The following CPQ variants were observed in gnomAD, a reference collection of about 807,000 sequenced individuals.
The protein encoded by CPQ is Ser-Met dipeptidase.
A neutral mutation model predicts 45.7 loss-of-function variants in CPQ; 37 were observed. That is an observed-to-expected ratio of 0.81 (90% CI 0.62 to 1.07). CPQ has a LOEUF of 1.07. Among genes scored for constraint, CPQ ranks in the 50% least tolerant of loss-of-function variants. The pLI is 0.00. For missense variants in CPQ, 537 were observed against 572.9 expected, an observed-to-expected ratio of 0.94 and a Z score of 0.64; for synonymous variants, 186 against 205.8, an observed-to-expected ratio of 0.90 and a Z score of 0.82.
chr8:96,770,473 G>A (rs943551149), intron 1 of CPQ, among the ~76,000 whole-genome samples: 1 of 152,068 alleles, frequency 6.6e-6, no homozygotes, highest in African/African-American at 2.4e-5. Flanking sequence ...TATTCAGGAT[G>A]TTGTGTTCAG....
chr8:96,978,161 C>T (rs1409704918), intron 5 of CPQ, among the ~76,000 whole-genome samples: 1 of 152,022 alleles, frequency 6.6e-6, no homozygotes, highest in Non-Finnish European at 1.5e-5. Context: ...TCTGTAAGAC[C>T]CATGGCAGAT....
At chr8:96,829,236 T>C (rs1811415325) in intron 2 of CPQ, among the ~76,000 whole-genome samples, 1 of 151,968 alleles carries the variant, frequency 6.6e-6, no homozygotes, top group South Asian at 2.1e-4. Context: ...TGCCCATGGA[T>C]TTTGATGCAG....
chr8:96,995,595 C>T (rs1426889958), intron 5 of CPQ, among the ~76,000 whole-genome samples: 1 of 148,478 alleles, frequency 6.7e-6, no homozygotes, highest in Non-Finnish European at 1.5e-5. Context: ...GGTCTGATAG[C>T]AGCTGAATAG....
intron 2 of CPQ, among the ~76,000 whole-genome samples, chr8:96,786,916 A>G (rs1442474407): frequency 5.9e-5 from 9 of 152,072 alleles, no homozygotes; most frequent in Admixed American, 5.9e-4. Context: ...AATGTATTGT[A>G]TATACAAGTC....
At position 96,773,393 on chromosome 8, in the gene CPQ, G is replaced by A. The variant is rs543018449; in HGVS notation, c.-34-11471G>A. 1.8e-3 allele frequency among the ~76,000 whole-genome samples: 279 copies of A among 152,246 alleles called. 1 individual carries two copies. Among genetic ancestry groups the A allele is most frequent in the African/African-American group, 6.4e-3 (267 of 41,562 alleles). ...TATCATACAATGTGCAATTGAAAAG[G>A]CAGGAAATAGTTTTGCCTAGGAGTT... is the stretch of plus-strand genomic sequence containing the variant. On this transcript the variant is annotated intron_variant, in intron 1 of 7. Coordinates refer to ENST00000220763, the MANE Select transcript of CPQ (RefSeq NM_016134.4).
intron 4 of CPQ, among the ~76,000 whole-genome samples, chr8:96,934,214 A>G (rs1473963012): frequency 6.6e-6 from 1 of 152,206 alleles, no homozygotes; most frequent in Non-Finnish European, 1.5e-5. Context: ...AGAGAGGCCC[A>G]TCCATGAATC....
At chr8:96,697,235 G>A (rs1160374453) in intron 1 of CPQ, among the ~76,000 whole-genome samples, 1 of 152,168 alleles carries the variant, frequency 6.6e-6, no homozygotes, top group Non-Finnish European at 1.5e-5. Flanking sequence ...ACCAATTCAT[G>A]TGATACATCA....
At chr8:97,034,909 G>A (rs1201225025) in intron 6 of CPQ, among the ~76,000 whole-genome samples, 3 of 138,044 alleles carry the variant, frequency 2.2e-5, no homozygotes, top group Admixed American at 7.5e-5. Context: ...TTTTTTTTTC[G>A]AGATGGAGTC....
At chr8:96,984,528 C>T (rs1034186371) in intron 5 of CPQ, among the ~76,000 whole-genome samples, 36 of 152,124 alleles carry the variant, frequency 2.4e-4, no homozygotes, top group African/African-American at 8.2e-4. Context: ...TTCAATGTGC[C>T]ATTTTGGAAG....
intron 5 of CPQ, among the ~76,000 whole-genome samples, chr8:97,013,637 G>A (rs751288039): frequency 6.6e-6 from 1 of 152,192 alleles, no homozygotes; most frequent in Admixed American, 6.5e-5. Context: ...AAACCAGATG[G>A]CATAAATGGT....
At position 96,784,946 on chromosome 8, in the gene CPQ, C is replaced by G. The variant is rs1810742429; in HGVS notation, c.49C>G (p.Leu17Val). Residue 17 changes from leucine (L) to valine (V), a missense_variant, in exon 2 of 8, where the codon CTG (leucine) becomes GTG (valine). Transcript: ENST00000220763. ...AFFGGVHLLS[L>V]CSGKAICKNG... ...TTTCGGTGGTGTTCACCTTTTATCCCTGTGCTCTGGGAAAGCTATATGCAA... is the reference window on the plus strand; with the variant it reads ...TTTCGGTGGTGTTCACCTTTTATCCGTGTGCTCTGGGAAAGCTATATGCAA... 1.2e-6 allele frequency: 2 copies of G among 1,613,572 alleles called. No homozygotes were observed. Among genetic ancestry groups the G allele is most frequent in the African/African-American group, 1.3e-5 (1 of 74,982 alleles).
intron 3 of CPQ, among the ~76,000 whole-genome samples, chr8:96,844,870 C>A (rs987538789): frequency 1.3e-5 from 2 of 152,188 alleles, no homozygotes; most frequent in African/African-American, 4.8e-5. Context: ...AAACTATGCA[C>A]TTGTCTTTTC....
At chr8:96,947,523 T>C (rs1396484395) in intron 4 of CPQ, among the ~76,000 whole-genome samples, 2 of 152,140 alleles carry the variant, frequency 1.3e-5, no homozygotes, top group Non-Finnish European at 2.9e-5. Context: ...TGTTTTTTCT[T>C]ATAATTGATT....
intron 1 of CPQ, among the ~76,000 whole-genome samples, chr8:96,729,085 T>C (rs1326551069): frequency 6.6e-6 from 1 of 152,222 alleles, no homozygotes; most frequent in Admixed American, 6.5e-5. Context: ...CCAAAATATG[T>C]AATATAGCAT....
At chr8:97,111,553 C>T (rs1402468434) in intron 7 of CPQ, among the ~76,000 whole-genome samples, 1 of 152,220 alleles carries the variant, frequency 6.6e-6, no homozygotes, top group Admixed American at 6.5e-5. Context: ...AGCCATTTCA[C>T]TTCTAGTCAG....
intron 1 of CPQ, among the ~76,000 whole-genome samples, chr8:96,770,246 C>T (rs1000445367): frequency 2.0e-5 from 3 of 152,080 alleles, no homozygotes; most frequent in Non-Finnish European, 4.4e-5. Flanking sequence ...GTCACCTCCA[C>T]ACTTTCTCAT....
In CPQ at chr8:96,787,489, G is replaced by A. The variant is rs555510303; in HGVS notation, c.433+2159G>A. On this transcript the variant is annotated intron_variant, in intron 2 of 7. Transcript: ENST00000220763. ...TTAATATTTTGCATTTACATCCATA[G>A]GGATATTGGCTTGTAGTTTCATTTT... 6.8e-4 allele frequency among the ~76,000 whole-genome samples: 89 copies of A among 130,276 alleles called. 1 individual carries two copies. Among genetic ancestry groups the A allele is most frequent in the Middle Eastern group, 4.7e-3 (1 of 212 alleles). 85.5% of individuals were successfully genotyped at this position (130,276 alleles called of 152,430 possible).
At chr8:96,658,447 G>A (rs1815661985) in intron 1 of CPQ, among the ~76,000 whole-genome samples, 1 of 152,196 alleles carries the variant, frequency 6.6e-6, no homozygotes, top group Non-Finnish European at 1.5e-5. Flanking sequence ...CATAAAATTG[G>A]GATAAAAATT....
At chr8:96,918,793 C>T (rs1812766348) in intron 4 of CPQ, among the ~76,000 whole-genome samples, 2 of 152,102 alleles carry the variant, frequency 1.3e-5, no homozygotes, top group Non-Finnish European at 2.9e-5. Flanking sequence ...ACTGATACTA[C>T]TATCTCCTGG....
Sources: allele counts gnomAD v4.1 joint callset (sites outside exome capture counted in the v4.1 genomes callset), GRCh38; gene constraint gnomAD v4.1.1; transcripts MANE v1.5; gene names NCBI Gene and HGNC (gene_info 2026-07-23, HGNC 2026-07-21).